Variants in CCDC171 observed in about 807,000 individuals in gnomAD.
CCDC171 encodes coiled-coil domain-containing protein 171.
CCDC171 carries 177 observed loss-of-function variants against 168.2 expected under a neutral mutation model. That is an observed-to-expected ratio of 1.05 (90% CI 0.93 to 1.19). The LOEUF (loss-of-function observed/expected upper bound fraction) is 1.19, where lower values mean the gene tolerates loss of function less well. CCDC171 is among the 50% of genes most tolerant of loss of function. CCDC171 has a pLI of 0.00. For synonymous variants in CCDC171, 687 were observed against 540.8 expected, an observed-to-expected ratio of 1.27 and a Z score of -3.75; for missense variants, 1,991 against 1,539.0, an observed-to-expected ratio of 1.29 and a Z score of -4.91.
At chr9:15,732,083 C>G (rs2054186581) in intron 16 of CCDC171, among the ~76,000 whole-genome samples, 1 of 151,916 alleles carries the variant, frequency 6.6e-6, no homozygotes, top group Non-Finnish European at 1.5e-5. Flanking sequence ...TTTACATATC[C>G]TGGATACATA....
rs148893314 is a variant in CCDC171, at chr9:16,048,857, G to A, written n.89+5971G>A. Among the ~76,000 whole-genome samples the A allele has an allele frequency of 3.7e-4, 56 of 150,966 alleles. 2 individuals are homozygous for A. In the East Asian group the frequency reaches 0.011, roughly 29 times the overall value. On this transcript the variant is annotated intron_variant and non_coding_transcript_variant, in intron 1 of 1. Transcript: ENST00000478913. ...ACGTAGTAAACGCTGTGGACAGGCA[G>A]TATTAACAAGGGTTTCAGGGAGGCA...
chr9:16,107,735 T>C, the CCDC171 span, among the ~76,000 whole-genome samples: 1 of 152,172 alleles, frequency 6.6e-6, no homozygotes, highest in Non-Finnish European at 1.5e-5. Context: ...AAACAATGAC[T>C]TTCTTGACAA....
intron 6 of CCDC171, among the ~76,000 whole-genome samples, chr9:15,598,779 A>T (rs957911527): frequency 2.0e-5 from 3 of 152,052 alleles, no homozygotes; most frequent in Admixed American, 2.0e-4. Flanking sequence ...ATTGTGTGGG[A>T]GTCTAAGTCC....
At chr9:15,791,238 G>A (rs1238233718) in intron 21 of CCDC171, among the ~76,000 whole-genome samples, 2 of 152,132 alleles carry the variant, frequency 1.3e-5, no homozygotes, top group Admixed American at 6.6e-5. Flanking sequence ...AGCATGGAAT[G>A]TTCTTCCATT....
At chr9:16,003,436 A>C (rs1190268528) in intron 3 of CCDC171, among the ~76,000 whole-genome samples, 1 of 152,196 alleles carries the variant, frequency 6.6e-6, no homozygotes, top group Non-Finnish European at 1.5e-5. Context: ...TGATTGGAGA[A>C]GTTAGAGAAA....
chr9:16,058,153 T>A (rs938067641), intron 1 of CCDC171, among the ~76,000 whole-genome samples: 8 of 152,088 alleles, frequency 5.3e-5, no homozygotes, highest in African/African-American at 1.9e-4. Flanking sequence ...GTAGCTCTTG[T>A]CCAAGACCGA....
chr9:15,702,069 A>G (rs2051793517), intron 11 of CCDC171, among the ~76,000 whole-genome samples: 1 of 152,224 alleles, frequency 6.6e-6, no homozygotes, highest in Non-Finnish European at 1.5e-5. Context: ...AAACAACATT[A>G]ATCTCCTTAT....
At chr9:15,798,806 T>G (rs1195613850) in intron 21 of CCDC171, among the ~76,000 whole-genome samples, 1 of 152,122 alleles carries the variant, frequency 6.6e-6, no homozygotes, top group Admixed American at 6.5e-5. Flanking sequence ...TATTGAATAT[T>G]TTTTAGAACT....
At chr9:15,937,479 T>C (rs752566427) in intron 25 of CCDC171, among the ~76,000 whole-genome samples, 1 of 152,008 alleles carries the variant, frequency 6.6e-6, no homozygotes, top group Non-Finnish European at 1.5e-5. Flanking sequence ...CAATTGTCAC[T>C]GGTATAAATA....
chr9:15,682,041 T>A (rs1187788008), intron 10 of CCDC171, among the ~76,000 whole-genome samples: 1 of 152,044 alleles, frequency 6.6e-6, no homozygotes, highest in Non-Finnish European at 1.5e-5. Flanking sequence ...GTTTTCTAGT[T>A]TAGGTCATGT....
chr9:15,677,958 G>T (rs2049753951), intron 9 of CCDC171, among the ~76,000 whole-genome samples: 1 of 119,902 alleles, frequency 8.3e-6, no homozygotes, highest in Non-Finnish European at 1.7e-5. Flanking sequence ...TACCTAGACT[G>T]GAGTGCAGTG....
rs567397445 is a variant in CCDC171, at chr9:15,677,836, G to A, written c.1077-922G>A. Among the ~76,000 whole-genome samples the A allele has an allele frequency of 4.6e-4, 40 of 87,068 alleles. No homozygotes were observed. In the East Asian group the frequency reaches 0.012, roughly 26 times the overall value. 57.1% of individuals were successfully genotyped at this position (87,068 alleles called of 152,430 possible). On this transcript the variant is annotated intron_variant, in intron 9 of 25. Transcript: ENST00000380701. ...ACACACACGCGCACACACACAAATG[G>A]CTGTGTGTGTGTGTGTATGTATATA...
chr9:15,838,871 G>C (rs776449538), intron 21 of CCDC171, among the ~76,000 whole-genome samples: 4 of 152,300 alleles, frequency 2.6e-5, no homozygotes, highest in Non-Finnish European at 4.4e-5. Flanking sequence ...TTGATATACT[G>C]TTGTGATAGG....
At chr9:15,651,685 CT>C (rs2047536385) in intron 7 of CCDC171, among the ~76,000 whole-genome samples, 1 of 151,654 alleles carries the variant, frequency 6.6e-6, no homozygotes, top group South Asian at 2.1e-4. Context: ...CAGCATTTCA[CT>C]CTTTTTTTTA....
At chr9:15,628,283 G>A (rs1003618747) in intron 7 of CCDC171, among the ~76,000 whole-genome samples, 1 of 152,038 alleles carries the variant, frequency 6.6e-6, no homozygotes, top group Admixed American at 6.6e-5. Context: ...GTCAAAGAAA[G>A]GGATGACAGG....
chr9:15,918,099 A>G (rs1824794307), intron 24 of CCDC171, among the ~76,000 whole-genome samples: 1 of 151,674 alleles, frequency 6.6e-6, no homozygotes, highest in Admixed American at 6.6e-5. Flanking sequence ...TATCCTGACC[A>G]TTGTACAACT....
chr9:15,590,792 T>TCTTTCTTC (rs2041938611), intron 4 of CCDC171, among the ~76,000 whole-genome samples: 1 of 145,118 alleles, frequency 6.9e-6, no homozygotes, highest in Admixed American at 7.0e-5. Flanking sequence ...TTTCTTTCTT[T>TCTTTCTTC]CTTTCTTTCT....
At chr9:15,954,763 T>G (rs182387167) in intron 25 of CCDC171, among the ~76,000 whole-genome samples, 4 of 152,028 alleles carry the variant, frequency 2.6e-5, no homozygotes, top group East Asian at 1.9e-4. Context: ...TTTCTTTTTT[T>G]GTTGTTGTTT....
In CCDC171 at chr9:15,640,587, C is replaced by T. The variant is rs111625014; in HGVS notation, c.823-16540C>T. 1.6e-4 allele frequency among the ~76,000 whole-genome samples: 24 copies of T among 152,136 alleles called. 4 individuals are homozygous for T. Among genetic ancestry groups the T allele is most frequent in the African/African-American group, 5.8e-4 (24 of 41,524 alleles). On this transcript the variant is annotated intron_variant, in intron 7 of 25. Coordinates refer to ENST00000380701, the MANE Select transcript of CCDC171 (RefSeq NM_173550.4). ...CTCCTCAGTGACATTAATGTAAATA[C>T]ACTCTGTCATGTAGAAGTGACATTA...
Sources: allele counts gnomAD v4.1 joint callset (sites outside exome capture counted in the v4.1 genomes callset), GRCh38; gene constraint gnomAD v4.1.1; transcripts MANE v1.5; gene names NCBI Gene and HGNC (gene_info 2026-07-23, HGNC 2026-07-21).